Variants in STK25 observed in about 807,000 individuals in gnomAD.
STK25 encodes serine/threonine-protein kinase 25.
STK25 carries 29 observed loss-of-function variants against 53.8 expected under a neutral mutation model. That is an observed-to-expected ratio of 0.54 (90% CI 0.40 to 0.74). The LOEUF (loss-of-function observed/expected upper bound fraction) is 0.74, where lower values mean the gene tolerates loss of function less well. STK25 is among the 30% of genes least tolerant of loss of function. The probability of loss-of-function intolerance (pLI) is 0.00; values close to 1 mark genes in which losing one functional copy is unlikely to be tolerated. For missense variants in STK25, 420 were observed against 568.0 expected (o/e 0.74, Z 2.65); for synonymous variants, 247 against 238.3 (o/e 1.04, Z -0.33).
chr2:241,496,590 C>T lies in STK25; in HGVS notation c.1105-56G>A. 1 of 1,577,930 alleles carries T rather than the reference C, an allele frequency of 6.3e-7. No individual in the cohort carries two copies. The highest frequency in any genetic ancestry group is 8.6e-7 in the Non-Finnish European group (1 of 1,156,870). On this transcript the variant is annotated intron_variant, in intron 10 of 11. Transcript: ENST00000316586. The surrounding 1 kb of genome is among the most constrained non-coding windows in gnomAD (Gnocchi z 5.8). ...ACCCCAGGACAGGCCTTCAGGGAGC[C>T]TGCTCCTTTGCTCGGCCACAGTGAT...
chr2:241,508,176 A>C, intron 1 of STK25, 41 bp from the exon 2 acceptor site: 1 of 1,375,168 alleles, frequency 7.3e-7, no homozygotes, highest in Non-Finnish European at 9.4e-7. Flanking sequence ...CAGTTCAGTC[A>C]TCTGAGACCG....
At chr2:241,498,860 T>C in intron 7 of STK25, 76 bp from the exon 8 acceptor site, 1 of 1,606,860 alleles carries the variant, frequency 6.2e-7, no homozygotes, top group African/African-American at 1.3e-5. Flanking sequence ...TGAGGCAGCC[T>C]GGACCGGGGC....
In STK25 at chr2:241,496,357, TG is replaced by T; in HGVS notation, c.1241+40del. The stretch of plus-strand genomic sequence containing the variant: ...CCTCACCCCACGTCCAGCTTCTTGG[TG>T]GGGGTGCTCTCCCCGACCCTATGGC... On this transcript the variant is annotated intron_variant, in intron 11 of 11. Transcript: ENST00000316586. The surrounding 1 kb of genome is among the most constrained non-coding windows in gnomAD (Gnocchi z 5.8). 1 of 1,590,094 alleles carries T rather than the reference TG, an allele frequency of 6.3e-7. No individual in the cohort carries two copies.
Position 241,494,024 on chromosome 2 carries a change from CA to C in STK25, c.*1637del, listed in dbSNP as rs1460579192. 5 of 1,395,702 alleles carry C rather than the reference CA, an allele frequency of 3.6e-6. No homozygotes were observed. Among genetic ancestry groups the C allele is most frequent in the Non-Finnish European group, 4.7e-6 (5 of 1,072,364 alleles). The allele number at this position is 1,395,702 out of a possible 1,614,324, so 86.5% of individuals were successfully genotyped here. On this transcript the variant is annotated 3_prime_UTR_variant, in exon 12 of 12. Transcript: ENST00000316586. This position sits in a 1 kb window ranked among gnomAD's most constrained non-coding sequence, Gnocchi z 4.9. ...CTCCTCCAGGTGGATGGAGGTGATC[CA>C]GGGGGCCAGCAGCTCAGCCGGGAGG... is the stretch of plus-strand genomic sequence containing the variant.
In STK25 at chr2:241,493,203, T is replaced by A; in HGVS notation, c.*2459A>T. ...GGCTCCCTTGGCCCGTGGGCATTTGTACGTGCCACCGTTGTGCAGGTAGCA... is the reference window on the plus strand; with the variant it reads ...GGCTCCCTTGGCCCGTGGGCATTTGAACGTGCCACCGTTGTGCAGGTAGCA... On this transcript the variant is annotated 3_prime_UTR_variant, in exon 12 of 12. Coordinates refer to ENST00000316586, the MANE Select transcript of STK25 (RefSeq NM_001271977.2). The A allele has an allele frequency of 1.4e-6, 2 of 1,447,020 alleles. No individual in the cohort carries two copies. The highest frequency in any genetic ancestry group is 1.9e-6 in the Non-Finnish European group (2 of 1,040,578). The allele number at this position is 1,447,020 out of a possible 1,614,324, so 89.6% of individuals were successfully genotyped here.
chr2:241,493,062 T>G lies in STK25; in HGVS notation c.*2600A>C, dbSNP rs1424243857. ...GTACTGGAGTTTCACTGGAGCCCAA[T>G]GCAGGTGATGCTAGCAGACAGACAC... On this transcript the variant is annotated 3_prime_UTR_variant, in exon 12 of 12. Transcript: ENST00000316586. 3 of 1,314,800 alleles carry G rather than the reference T, an allele frequency of 2.3e-6. No individual in the cohort carries two copies. Among genetic ancestry groups the G allele is most frequent in the Non-Finnish European group, 3.3e-6 (3 of 906,632 alleles). 81.4% of individuals were successfully genotyped at this position (1,314,800 alleles called of 1,614,324 possible). A position where few individuals can be genotyped will look rare whatever the true frequency, so the allele number is the denominator to read the frequency against.
At chr2:241,502,967 A>C (rs182866398) in intron 2 of STK25, among the ~76,000 whole-genome samples, 45 of 152,314 alleles carry the variant, frequency 3.0e-4, no homozygotes, top group African/African-American at 8.9e-4. Context: ...GCAATGCCTA[A>C]AAGTTTCTGA....
intron 5 of STK25, 46 bp from the exon 6 acceptor site, chr2:241,499,460 C>T (rs779593775): frequency 6.3e-7 from 1 of 1,592,760 alleles, no homozygotes; most frequent in Non-Finnish European, 8.6e-7. Context: ...CTCCACGTGG[C>T]TCCACCCCGG....
rs1254169702 is a variant in STK25 at position 241,508,067 on chromosome 2, C to T, written c.-32G>A. On this transcript the variant is annotated 5_prime_UTR_variant, in exon 2 of 12. Coordinates refer to ENST00000316586, the MANE Select transcript of STK25 (RefSeq NM_001271977.2). The stretch of plus-strand genomic sequence containing the variant: ...GCCGCCTCAGACCCTCCGCCAGCAG[C>T]CCCAGGAGGCGTCTGGATCCCGCGG... 2 of 1,588,204 alleles carry T rather than the reference C, an allele frequency of 1.3e-6. No homozygotes were observed. The highest frequency in any genetic ancestry group is 1.3e-5 in the African/African-American group (1 of 74,090).
At chr2:241,507,804 C>T (rs2065932908) in intron 2 of STK25, among the ~76,000 whole-genome samples, 1 of 152,244 alleles carries the variant, frequency 6.6e-6, no homozygotes, top group Non-Finnish European at 1.5e-5. Flanking sequence ...CGAGCTTCTG[C>T]CACGCAAAAC....
rs754227947 is a variant in STK25 at position 241,498,799 on chromosome 2, G to A, written c.772-15C>T. The A allele has an allele frequency of 5.6e-6, 9 of 1,613,480 alleles. No homozygotes were observed. The South Asian group carries it at 8.8e-5, about 16-fold the overall frequency. On this transcript the variant is annotated splice_polypyrimidine_tract_variant and intron_variant, in intron 7 of 11. Coordinates refer to ENST00000316586, the MANE Select transcript of STK25 (RefSeq NM_001271977.2). ...GCCGTGGGCCGCTGCAGGGGGTCAG[G>A]GGAACACTAGTCACTGGGCCCAGCC...
In STK25 at chr2:241,495,556, T is replaced by C. The variant is rs578236917; in HGVS notation, c.*106A>G. ...AGGCCCACGGGATCCGACGTGTCCC[T>C]GCAGGCACGACATAGCACAGGGCAC... is the stretch of plus-strand genomic sequence containing the variant. On this transcript the variant is annotated 3_prime_UTR_variant, in exon 12 of 12. Coordinates refer to ENST00000316586, the MANE Select transcript of STK25 (RefSeq NM_001271977.2). 1.4e-5 allele frequency: 18 copies of C among 1,300,094 alleles called. No individual in the cohort carries two copies. The African/African-American group carries it at 2.3e-4, about 17-fold the overall frequency. The allele number at this position is 1,300,094 out of a possible 1,614,324, so 80.5% of individuals were successfully genotyped here. A position where few individuals can be genotyped will look rare whatever the true frequency, so the allele number is the denominator to read the frequency against.
At position 241,495,748 on chromosome 2, in the gene STK25, A is replaced by C. The variant is rs376584360; in HGVS notation, c.1242-47T>G. ...GCTGCGTGCGTGCACCTCTGTGCCC[A>C]GGCTCCTGACGGCCTCTTGGGTGTG... On this transcript the variant is annotated intron_variant, in intron 11 of 11. Transcript: ENST00000316586. The C allele has an allele frequency of 4.3e-6, 7 of 1,610,014 alleles. No individual in the cohort carries two copies. In the African/African-American group the frequency reaches 9.4e-5, roughly 22 times the overall value.
chr2:241,503,505 G>A (rs2065630382), intron 2 of STK25, among the ~76,000 whole-genome samples: 1 of 150,154 alleles, frequency 6.7e-6, no homozygotes, highest in South Asian at 2.2e-4. Context: ...GAGGTCAGGA[G>A]ATCAAGACCA....
chr2:241,501,045 C>T lies in STK25; in HGVS notation c.262-249G>A, dbSNP rs946020616. On this transcript the variant is annotated intron_variant, in intron 3 of 11. Coordinates refer to ENST00000316586, the MANE Select transcript of STK25 (RefSeq NM_001271977.2). The surrounding 1 kb of genome is among the most constrained non-coding windows in gnomAD (Gnocchi z 5.3). ...TGACTCCACTTCACCAAGACCCCATCAAAAACCAGGCTGCTGATCCAGTCC... is the reference window on the plus strand; with the variant it reads ...TGACTCCACTTCACCAAGACCCCATTAAAAACCAGGCTGCTGATCCAGTCC... The T allele has an allele frequency of 3.4e-6, 2 of 582,474 alleles. No homozygotes were observed. Among genetic ancestry groups the T allele is most frequent in the Non-Finnish European group, 6.1e-6 (2 of 326,672 alleles). The allele number at this position is 582,474 out of a possible 1,614,324, so 36.1% of individuals were successfully genotyped here. A position where few individuals can be genotyped will look rare whatever the true frequency, so the allele number is the denominator to read the frequency against.
Position 241,499,039 on chromosome 2 carries a change from T to C in STK25, c.721A>G (p.Lys241Glu). 1 of 1,614,076 alleles carries C rather than the reference T, an allele frequency of 6.2e-7. No homozygotes were observed. The highest frequency in any genetic ancestry group is 8.5e-7 in the Non-Finnish European group (1 of 1,180,004). ...SPPTLEGQHS[K>E]PFKEFVEACL... ...GCCTCCACGAACTCCTTGAAGGGCT[T>C]GCTGTGCTGGCCCTCCAGTGTGGGT... The change falls in exon 7 of 12, where the codon AAG becomes GAG. Residue 241 changes from lysine to glutamate, a missense_variant. By Grantham distance (56) the Lys-to-Glu change is moderately conservative. Transcript: ENST00000316586.
In STK25 at chr2:241,497,584, G is replaced by A. The variant is rs1206537133; in HGVS notation, c.1104+32C>T. On this transcript the variant is annotated intron_variant, in intron 10 of 11. Transcript: ENST00000316586. ...AGTGTCACAGCCTTGTCCTTGACGG[G>A]ACTCCAGGCCCAGTCCCAGCCCCAT... 3.1e-6 allele frequency: 5 copies of A among 1,609,100 alleles called. No individual in the cohort carries two copies. In the South Asian group the frequency reaches 4.4e-5, roughly 14 times the overall value.
At chr2:241,503,696 C>CAAAAAAA (rs60021706) in intron 2 of STK25, among the ~76,000 whole-genome samples, 1 of 100,280 alleles carries the variant, frequency 1.0e-5, no homozygotes. Flanking sequence ...GACTCCGTCT[C>CAAAAAAA]AAAAAAAAAA....
intron 2 of STK25, chr2:241,502,024 C>T (rs902728295): frequency 3.8e-5 from 11 of 289,926 alleles, no homozygotes; most frequent in East Asian, 8.5e-5. Context: ...ATTATCTGGG[C>T]GTGGCGGCTC....
Sources: gnomAD v4.1 joint callset for allele counts (sites outside exome capture counted in the v4.1 genomes callset) on GRCh38, gnomAD v4.1.1 for gene constraint, Gnocchi (gnomAD v3.1) non-coding constraint, MANE v1.5 for transcripts, NCBI Gene and HGNC (gene_info 2026-07-23, HGNC 2026-07-21) for gene names.